Variants in MGAT5B observed in about 807,000 individuals in gnomAD.
MGAT5B encodes the protein alpha-1,6-mannosylglycoprotein 6-beta-N-acetylglucosaminyltransferase B.
A neutral mutation model predicts 95.1 loss-of-function variants in MGAT5B; 54 were observed. The ratio of observed to expected loss-of-function variants is 0.57; its 90% CI spans 0.46 to 0.71. The LOEUF (loss-of-function observed/expected upper bound fraction) is 0.71, where lower values mean the gene tolerates loss of function less well. Among genes scored for constraint, MGAT5B ranks in the 30% least tolerant of loss-of-function variants. MGAT5B has a pLI of 0.00. For synonymous variants in MGAT5B, 464 were observed against 451.0 expected, an observed-to-expected ratio of 1.03 and a Z score of -0.36; for missense variants, 935 against 1,088.6, an observed-to-expected ratio of 0.86 and a Z score of 1.99.
chr17:76,886,927 T>C (rs1042085238), intron 3 of MGAT5B, among the ~76,000 whole-genome samples: 6 of 152,174 alleles, frequency 3.9e-5, no homozygotes, highest in African/African-American at 1.4e-4. Flanking sequence ...GCCTGTAGTC[T>C]CAGCTACTTG....
rs933082492 is a variant in MGAT5B, at chr17:76,930,541, C to G, written c.1292-2104C>G. On this transcript the variant is annotated intron_variant, in intron 10 of 17. Coordinates refer to ENST00000569840, the MANE Select transcript of MGAT5B (RefSeq NM_001199172.2). This position sits in a 1 kb window ranked among gnomAD's most constrained non-coding sequence, Gnocchi z 4.1. ...CCTTGGACTCAATAAACGGTTTATT[C>G]GGGATCCCAGTGCGCAGAAGGCAGG... 6.6e-6 allele frequency among the ~76,000 whole-genome samples: 1 copy of G among 152,108 alleles called. No homozygotes were observed. The highest frequency in any genetic ancestry group is 6.6e-5 in the Admixed American group (1 of 15,260).
At chr17:76,944,699 G>T (rs1567828164) in intron 15 of MGAT5B, among the ~76,000 whole-genome samples, 1 of 152,190 alleles carries the variant, frequency 6.6e-6, no homozygotes, top group Non-Finnish European at 1.5e-5. Flanking sequence ...CAGTGCTGGG[G>T]CAATGTCCGG....
At chr17:76,898,212 TC>T (rs1412300552) in intron 3 of MGAT5B, among the ~76,000 whole-genome samples, 2 of 152,208 alleles carry the variant, frequency 1.3e-5, no homozygotes, top group Non-Finnish European at 2.9e-5. Flanking sequence ...TTTCCTGTGT[TC>T]CGTCAGCGGA....
chr17:76,925,434 T>C (rs1345896175), intron 9 of MGAT5B, among the ~76,000 whole-genome samples: 2 of 150,106 alleles, frequency 1.3e-5, no homozygotes, highest in Non-Finnish European at 3.0e-5. Flanking sequence ...ACCTGGGCTG[T>C]GACCCTGCTG....
chr17:76,887,796 A>G lies in MGAT5B; in HGVS notation c.329+5498A>G, dbSNP rs1967716564. Among the ~76,000 whole-genome samples, 5 of 151,442 alleles carry G rather than the reference A, an allele frequency of 3.3e-5. No homozygotes were observed. The South Asian group carries it at 1.0e-3, about 32-fold the overall frequency. On this transcript the variant is annotated intron_variant, in intron 3 of 17. Coordinates refer to ENST00000569840, the MANE Select transcript of MGAT5B (RefSeq NM_001199172.2). ...GGTCTCGAACTCCTGACCTCATGTG[A>G]TCTGCCCGCCTTGGCCTCCCAAAGT...
chr17:76,928,880 A>ATT (rs60955244), intron 10 of MGAT5B, among the ~76,000 whole-genome samples: 14,314 of 146,146 alleles, frequency 0.098, 786 homozygotes, highest in African/African-American at 0.13. Flanking sequence ...GTCATGAATA[A>ATT]TTTTTTTTTT....
rs911365702 is a variant in MGAT5B at position 76,868,977 on chromosome 17, A to G, written c.-53A>G. On this transcript the variant is annotated 5_prime_UTR_variant, in exon 1 of 18. Transcript: ENST00000569840. This position sits in a 1 kb window ranked among gnomAD's most constrained non-coding sequence, Gnocchi z 6.3. ...CCCGGACGCGGCGAGAGCTGGGCCC[A>G]GGACGGTGCGTCCGGCCTCGCCCGC... 6.4e-7 allele frequency: 1 copy of G among 1,569,160 alleles called. No homozygotes were observed. The highest frequency in any genetic ancestry group is 2.2e-5 in the East Asian group (1 of 44,538).
intron 3 of MGAT5B, 148 bp downstream of exon 3, chr17:76,882,446 C>A: frequency 1.1e-6 from 1 of 873,594 alleles, no homozygotes; most frequent in Non-Finnish European, 1.6e-6. Context: ...TTCTACCACC[C>A]AAATTTAACA....
chr17:76,926,812 C>A (rs918645104), intron 10 of MGAT5B, 82 bp downstream of exon 10: 2 of 1,516,100 alleles, frequency 1.3e-6, no homozygotes, highest in South Asian at 1.2e-5. Context: ...GCCAGGGTCT[C>A]GCTCCTCCCT....
chr17:76,926,846 G>A, intron 10 of MGAT5B, 116 bp downstream of exon 10: 1 of 1,317,190 alleles, frequency 7.6e-7, no homozygotes, highest in Non-Finnish European at 1.1e-6. Context: ...CAGCCAGTGG[G>A]GTTGGTGGGA....
Position 76,869,209 on chromosome 17 carries a change from T to G in MGAT5B, c.68+112T>G. ...GGTGGCAGAGGGGGCGGTTCACACT[T>G]CAACCCCTGGTGATGACCAGTGGGG... On this transcript the variant is annotated intron_variant, in intron 1 of 17. Coordinates refer to ENST00000569840, the MANE Select transcript of MGAT5B (RefSeq NM_001199172.2). This position sits in a 1 kb window ranked among gnomAD's most constrained non-coding sequence, Gnocchi z 7.0. 1 of 895,972 alleles carries G rather than the reference T, an allele frequency of 1.1e-6. No homozygotes were observed. The highest frequency in any genetic ancestry group is 1.8e-6 in the Non-Finnish European group (1 of 551,870). The allele number at this position is 895,972 out of a possible 1,614,324, so 55.5% of individuals were successfully genotyped here.
chr17:76,901,372 T>G (rs1968310889), intron 3 of MGAT5B, among the ~76,000 whole-genome samples: 1 of 145,292 alleles, frequency 6.9e-6, no homozygotes, highest in Non-Finnish European at 1.5e-5. Context: ...CGGGGTGAGG[T>G]GAGAATCAAA....
intron 10 of MGAT5B, among the ~76,000 whole-genome samples, chr17:76,929,636 A>T (rs1017716474): frequency 6.6e-6 from 1 of 152,208 alleles, no homozygotes; most frequent in Non-Finnish European, 1.5e-5. Context: ...GATTGGATAA[A>T]TCGAAGAAAG....
chr17:76,883,679 A>G (rs574808723), intron 3 of MGAT5B, among the ~76,000 whole-genome samples: 94 of 152,214 alleles, frequency 6.2e-4, no homozygotes, highest in Non-Finnish European at 1.2e-3. Flanking sequence ...TCTTTGTGAA[A>G]TTGATTTGCT....
chr17:76,948,794 G>A lies in MGAT5B; in HGVS notation c.2335G>A (p.Asp779Asn), dbSNP rs747978726. The stretch of plus-strand genomic sequence containing the variant: ...GTACCGCCGGCTCTGCCCCTGCCGC[G>A]ACTTCCGCAAGGGCCAGGTGGCCTT... ...TKYRRLCPCRDFRKGQVALCQ... is the reference protein window; with the variant it reads ...TKYRRLCPCRNFRKGQVALCQ... Residue 779 changes from aspartate to asparagine, a missense_variant, in exon 18 of 18, where the codon GAC becomes AAC. By Grantham distance (23) the Asp-to-Asn change is conservative. Around this residue, in one of 4 missense-constraint regions of MGAT5B, gnomAD observed 440 missense variants for 523.6 expected, o/e 0.84. Transcript: ENST00000569840. The A allele has an allele frequency of 3.7e-6, 6 of 1,608,478 alleles. No homozygotes were observed. The Admixed American group carries it at 6.7e-5, about 18-fold the overall frequency.
chr17:76,942,196 G>T (rs1020149219), intron 15 of MGAT5B, among the ~76,000 whole-genome samples: 2 of 152,192 alleles, frequency 1.3e-5, no homozygotes, highest in Non-Finnish European at 2.9e-5. Context: ...CCCTGTCCTG[G>T]GCTGGTGGCT....
chr17:76,871,033 G>A (rs1966991705), intron 1 of MGAT5B, among the ~76,000 whole-genome samples: 1 of 152,114 alleles, frequency 6.6e-6, no homozygotes, highest in South Asian at 2.1e-4. Context: ...GCTGAAGGGG[G>A]TAGACACCTT....
In MGAT5B at chr17:76,949,237, G is replaced by A. The variant is rs912670932; in HGVS notation, c.*399G>A. The A allele has an allele frequency of 2.9e-5, 6 of 209,738 alleles. No individual in the cohort carries two copies. The highest frequency in any genetic ancestry group is 1.6e-4 in the Admixed American group (3 of 18,862). 13.0% of individuals were successfully genotyped at this position (209,738 alleles called of 1,614,324 possible). A position where few individuals can be genotyped will look rare whatever the true frequency, so the allele number is the denominator to read the frequency against. ...ATGGGGCCTCTAGACTTGCAAGGGA[G>A]AGGAACAGGGACCAGGCTGCCCCAC... On this transcript the variant is annotated 3_prime_UTR_variant, in exon 18 of 18. Coordinates refer to ENST00000569840, the MANE Select transcript of MGAT5B (RefSeq NM_001199172.2).
Position 76,917,852 on chromosome 17 carries a change from C to T in MGAT5B, c.1026-7114C>T, listed in dbSNP as rs1968991402. 6.6e-6 allele frequency among the ~76,000 whole-genome samples: 1 copy of T among 152,194 alleles called. No individual in the cohort carries two copies. The highest frequency in any genetic ancestry group is 1.5e-5 in the Non-Finnish European group (1 of 68,032). ...AGGGACCCTCGGGGTGGCCTGAGCA[C>T]CAGGAGCTAAAGCCTGGATGAGAAA... On this transcript the variant is annotated intron_variant, in intron 8 of 17. Coordinates refer to ENST00000569840, the MANE Select transcript of MGAT5B (RefSeq NM_001199172.2). The surrounding 1 kb of genome is among the most constrained non-coding windows in gnomAD (Gnocchi z 6.1).
Sources: gnomAD v4.1 joint callset for allele counts (sites outside exome capture counted in the v4.1 genomes callset) on GRCh38, gnomAD v4.1.1 for gene constraint, gnomAD v4.1.1 regional missense constraint, Gnocchi (gnomAD v3.1) non-coding constraint, MANE v1.5 for transcripts, NCBI Gene and HGNC (gene_info 2026-07-23, HGNC 2026-07-21) for gene names.